The following AGBL4 variants were observed in gnomAD, a reference collection of about 807,000 sequenced individuals.
The protein encoded by AGBL4 is AGBL carboxypeptidase 4, also known as cytosolic carboxypeptidase 6.
In AGBL4, 58 loss-of-function variants were observed where a neutral mutation model predicts 66.4. That is an observed-to-expected ratio of 0.87 (90% CI 0.71 to 1.09). The LOEUF (loss-of-function observed/expected upper bound fraction) is 1.09, where lower values mean the gene tolerates loss of function less well. Among genes scored for constraint, AGBL4 ranks in the 50% least tolerant of loss-of-function variants. The pLI is 0.00. For synonymous variants in AGBL4, 234 were observed against 222.9 expected (o/e 1.05, Z -0.44); for missense variants, 579 against 631.0 (o/e 0.92, Z 0.88).
chr1:48,592,685 A>G (rs1264761846), intron 9 of AGBL4, among the ~76,000 whole-genome samples: 1 of 152,176 alleles, frequency 6.6e-6, no homozygotes, highest in East Asian at 1.9e-4. Flanking sequence ...GAAATGTGTA[A>G]GGAAAGCTAC....
chr1:49,325,045 C>T (rs555806927), intron 3 of AGBL4, among the ~76,000 whole-genome samples: 180 of 152,062 alleles, frequency 1.2e-3, no homozygotes, highest in African/African-American at 4.0e-3. Context: ...TTTTTTGAGA[C>T]GGAGTCTCGC....
At chr1:49,580,069 CTTT>C (rs1420928961) in intron 3 of AGBL4, among the ~76,000 whole-genome samples, 1 of 152,044 alleles carries the variant, frequency 6.6e-6, no homozygotes, top group Non-Finnish European at 1.5e-5. Flanking sequence ...TAATAACCTT[CTTT>C]GTCTTTTTTT....
intron 11 of AGBL4, among the ~76,000 whole-genome samples, chr1:48,541,347 G>A (rs1313064968): frequency 6.6e-6 from 1 of 152,184 alleles, no homozygotes; most frequent in Non-Finnish European, 1.5e-5. Context: ...CATTTTACCT[G>A]TCTCTTCTTT....
intron 3 of AGBL4, among the ~76,000 whole-genome samples, chr1:49,260,007 T>A (rs1243103169): frequency 2.6e-5 from 4 of 152,034 alleles, no homozygotes; most frequent in Non-Finnish European, 5.9e-5. Context: ...AGAAACTCAC[T>A]GAAAACCGCT....
intron 4 of AGBL4, among the ~76,000 whole-genome samples, chr1:49,092,812 G>A (rs550402288): frequency 2.6e-5 from 4 of 152,236 alleles, no homozygotes; most frequent in African/African-American, 9.6e-5. Context: ...GAATGAAAGA[G>A]TGAATGGCTT....
At chr1:49,831,285 G>A (rs1645668308) in intron 2 of AGBL4, among the ~76,000 whole-genome samples, 1 of 152,048 alleles carries the variant, frequency 6.6e-6, no homozygotes, top group Non-Finnish European at 1.5e-5. Context: ...TTATTTCCTT[G>A]AGCAGTGGTT....
rs568954380 is a variant in AGBL4 at position 48,619,013 on chromosome 1, A to G, written c.951+15480T>C. 6.6e-5 allele frequency among the ~76,000 whole-genome samples: 10 copies of G among 151,984 alleles called. No homozygotes were observed. The East Asian group carries it at 1.9e-3, about 29-fold the overall frequency. ...GGCTGCTTCCATGCATTTTAAAGCT[A>G]AAACAAGAGACTCTGAGAAACAAGG... On this transcript the variant is annotated intron_variant, in intron 9 of 13. Transcript: ENST00000371839.
At chr1:48,581,044 G>A (rs1644732232) in intron 11 of AGBL4, among the ~76,000 whole-genome samples, 1 of 152,268 alleles carries the variant, frequency 6.6e-6, no homozygotes, top group Non-Finnish European at 1.5e-5. Context: ...TCCCCAACCA[G>A]CAGAGTTCCC....
intron 4 of AGBL4, among the ~76,000 whole-genome samples, chr1:49,126,561 T>C (rs145130128): frequency 1.3e-5 from 2 of 152,150 alleles, no homozygotes. Context: ...TAAATAGGCA[T>C]GATAAGGAAA....
At chr1:49,891,868 T>G (rs1206834998) in intron 1 of AGBL4, among the ~76,000 whole-genome samples, 1 of 152,218 alleles carries the variant, frequency 6.6e-6, no homozygotes, top group Non-Finnish European at 1.5e-5. Flanking sequence ...AGTATTCACT[T>G]AACACTTTGA....
Position 49,994,978 on chromosome 1 carries a change from C to T in AGBL4, c.34+28785G>A, listed in dbSNP as rs1226367802. ...GAATAGAGGAAGCAGAGGAAAGAGC[C>T]CCGTGGGCACTCTTGGTCCCCAGGG... On this transcript the variant is annotated intron_variant, in intron 1 of 13. Transcript: ENST00000371839. The T allele has an allele frequency of 1.6e-5, 6 of 370,182 alleles. No homozygotes were observed. In the East Asian group the frequency reaches 2.9e-4, roughly 18 times the overall value. The allele number at this position is 370,182 out of a possible 1,614,324, so 22.9% of individuals were successfully genotyped here.
chr1:49,633,460 G>T (rs949708080), intron 3 of AGBL4, among the ~76,000 whole-genome samples: 5 of 152,024 alleles, frequency 3.3e-5, no homozygotes, highest in Non-Finnish European at 5.9e-5. Context: ...ATATAACAAA[G>T]ATATAATACA....
chr1:49,116,716 A>AAAC (rs1305303868), intron 4 of AGBL4, among the ~76,000 whole-genome samples: 1 of 152,232 alleles, frequency 6.6e-6, no homozygotes, highest in East Asian at 1.9e-4. Flanking sequence ...CATGATTTAT[A>AAAC]AACCTTTGGG....
chr1:49,337,824 T>G (rs545736345), intron 3 of AGBL4, among the ~76,000 whole-genome samples: 1 of 152,342 alleles, frequency 6.6e-6, no homozygotes, highest in Middle Eastern at 3.4e-3. Context: ...AGGCATACTT[T>G]GTGAGCTTCT....
intron 5 of AGBL4, among the ~76,000 whole-genome samples, chr1:48,979,944 C>A (rs1334556072): frequency 6.6e-6 from 1 of 152,022 alleles, no homozygotes; most frequent in Non-Finnish European, 1.5e-5. Flanking sequence ...TCCTAACATA[C>A]AATAGAGTTT....
At chr1:48,792,512 A>G (rs1645575170) in intron 6 of AGBL4, among the ~76,000 whole-genome samples, 1 of 152,230 alleles carries the variant, frequency 6.6e-6, no homozygotes, top group Admixed American at 6.5e-5. Flanking sequence ...CATTTATTAA[A>G]TTATGTAATC....
In AGBL4 at chr1:49,458,769, AG is replaced by A. The variant is rs772492135; in HGVS notation, c.283-212906del. 1.7e-4 allele frequency among the ~76,000 whole-genome samples: 26 copies of A among 151,728 alleles called. 1 individual carries two copies. Among genetic ancestry groups the A allele is most frequent in the Non-Finnish European group, 3.5e-4 (24 of 67,836 alleles). ...TGAGGGATGCTGGATTTAATCATAA[AG>A]GGATGGTGGATTTTGTCAAATGCTT... On this transcript the variant is annotated intron_variant, in intron 3 of 13. Transcript: ENST00000371839.
chr1:49,623,604 A>G (rs1159503043), intron 3 of AGBL4, among the ~76,000 whole-genome samples: 2 of 152,354 alleles, frequency 1.3e-5, no homozygotes, highest in East Asian at 3.9e-4. Flanking sequence ...AATTTGGTCC[A>G]AAGACCAAGA....
chr1:48,848,394 AGTTATT>A (rs1646965152), intron 6 of AGBL4, among the ~76,000 whole-genome samples: 1 of 152,146 alleles, frequency 6.6e-6, no homozygotes, highest in Non-Finnish European at 1.5e-5. Context: ...TGAGTACATC[AGTTATT>A]GTTCATGGAA....
Sources: gnomAD v4.1 joint callset for allele counts (sites outside exome capture counted in the v4.1 genomes callset) on GRCh38, gnomAD v4.1.1 for gene constraint, MANE v1.5 for transcripts, NCBI Gene and HGNC (gene_info 2026-07-23, HGNC 2026-07-21) for gene names.